Variants in WNK1 observed in about 807,000 individuals in gnomAD.
The protein encoded by WNK1 is WNK lysine deficient protein kinase 1, also known as serine/threonine-protein kinase WNK1.
WNK1 carries 38 observed loss-of-function variants against 222.8 expected under a neutral mutation model. The ratio of observed to expected loss-of-function variants is 0.17; its 90% CI spans 0.13 to 0.22. The LOEUF is 0.22. Ranked by LOEUF, WNK1 falls within the 10% of genes least tolerant of loss-of-function variation. The pLI is 1.00. For missense variants in WNK1, 2,348 were observed against 2,918.4 expected (o/e 0.80, Z 4.50); for synonymous variants, 1,090 against 1,092.9 (o/e 1.00, Z 0.05).
intron 4 of WNK1, among the ~76,000 whole-genome samples, chr12:841,631 CA>C (rs1193244796): frequency 6.6e-6 from 1 of 152,060 alleles, no homozygotes; most frequent in African/African-American, 2.4e-5. Flanking sequence ...GCTGCTATAT[CA>C]AAAATGCCAT....
chr12:890,425 G>A (rs1242370253), intron 21 of WNK1, 28 bp from the exon 22 acceptor site: 5 of 1,613,920 alleles, frequency 3.1e-6, no homozygotes, highest in Non-Finnish European at 4.2e-6. Flanking sequence ...CTAAAGATTT[G>A]TGGTGTCTGT....
chr12:814,190 A>G (rs772053314), intron 2 of WNK1, among the ~76,000 whole-genome samples: 7 of 151,454 alleles, frequency 4.6e-5, no homozygotes, highest in Non-Finnish European at 8.8e-5. Flanking sequence ...TTAGCCGGGC[A>G]TGGTGGCGTG....
At chr12:879,479 GGC>G in intron 10 of WNK1, 92 bp from the exon 11 acceptor site, 1 of 611,822 alleles carries the variant, frequency 1.6e-6, no homozygotes, top group Non-Finnish European at 2.4e-6. Context: ...CCTTCTTTTT[GGC>G]TAATACATAA....
chr12:898,213 G>A (rs1954908625), intron 25 of WNK1, among the ~76,000 whole-genome samples: 1 of 151,988 alleles, frequency 6.6e-6, no homozygotes, highest in African/African-American at 2.4e-5. Context: ...GGTTAGGCAC[G>A]GTGGCTCACG....
intron 9 of WNK1, among the ~76,000 whole-genome samples, chr12:875,046 T>C (rs547943905): frequency 1.3e-5 from 2 of 152,180 alleles, no homozygotes; most frequent in Non-Finnish European, 2.9e-5. Flanking sequence ...AAAATTATAC[T>C]GTGAGCAATG....
At chr12:861,992 A>C in intron 7 of WNK1, 91 bp from the exon 8 acceptor site, 1 of 1,444,184 alleles carries the variant, frequency 6.9e-7, no homozygotes, top group South Asian at 1.2e-5. Context: ...TACCCCTAAT[A>C]TAATGGGTCT....
intron 26 of WNK1, 176 bp downstream of exon 26, chr12:900,846 C>T (rs1955196710): frequency 1.3e-6 from 1 of 791,730 alleles, no homozygotes. Flanking sequence ...TCGGTGGGCT[C>T]ACTGCTCCCA....
At chr12:878,175 T>A (rs1187135389) in intron 9 of WNK1, 37 bp from the exon 10 acceptor site, 2 of 1,613,680 alleles carry the variant, frequency 1.2e-6, no homozygotes, top group Admixed American at 3.3e-5. Flanking sequence ...CTGTTATTGA[T>A]TTGAAATAAA....
intron 1 of WNK1, among the ~76,000 whole-genome samples, chr12:776,412 T>TGTGTGTGTG (rs1555082817): frequency 1.5e-3 from 215 of 146,224 alleles, no homozygotes; most frequent in Admixed American, 2.8e-3. Flanking sequence ...GTTTGTGTGT[T>TGTGTGTGTG]TGTGTGTGTG....
chr12:894,956 G>C (rs527308861), intron 23 of WNK1, among the ~76,000 whole-genome samples: 4 of 152,168 alleles, frequency 2.6e-5, no homozygotes, highest in African/African-American at 9.6e-5. Flanking sequence ...CATTTCTCCT[G>C]TTCCAAATGT....
chr12:794,987 A>G (rs1565440708), intron 1 of WNK1, among the ~76,000 whole-genome samples: 1 of 152,068 alleles, frequency 6.6e-6, no homozygotes, highest in African/African-American at 2.4e-5. Flanking sequence ...TCTAACCTCA[A>G]GTGATCCTCC....
rs372539997 is a variant in WNK1 at position 894,646 on chromosome 12, C to A, written c.5583+11C>A. On this transcript the variant is annotated intron_variant, in intron 23 of 27. Transcript: ENST00000315939. ...ATGGGACGATTTCAGGTAAGACAGT[C>A]ACTTTGTGTTGCCTTGATTCCTTCC... 23 of 1,612,638 alleles carry A rather than the reference C, an allele frequency of 1.4e-5. No individual in the cohort carries two copies. The African/African-American group carries it at 2.0e-4, about 14-fold the overall frequency.
intron 4 of WNK1, among the ~76,000 whole-genome samples, chr12:836,622 A>G (rs1949200831): frequency 6.6e-6 from 1 of 152,206 alleles, no homozygotes; most frequent in Non-Finnish European, 1.5e-5. Flanking sequence ...ATTTTTAAAA[A>G]TGCCTCCAAC....
chr12:874,477 T>A (rs1024131912), intron 9 of WNK1, among the ~76,000 whole-genome samples: 1 of 152,176 alleles, frequency 6.6e-6, no homozygotes, highest in African/African-American at 2.4e-5. Flanking sequence ...CTCTCAGTTG[T>A]CTTAAGCAAA....
chr12:866,853 G>A (rs1951712122), intron 8 of WNK1, among the ~76,000 whole-genome samples: 1 of 152,162 alleles, frequency 6.6e-6, no homozygotes, highest in African/African-American at 2.4e-5. Flanking sequence ...GCCGGGCTCA[G>A]TGGCTCACGC....
chr12:884,041 G>GT lies in WNK1; in HGVS notation c.3722-79dup, dbSNP rs72650725. 3.8e-6 allele frequency: 6 copies of GT among 1,598,350 alleles called. No homozygotes were observed. The African/African-American group carries it at 8.1e-5, about 22-fold the overall frequency. ...AGACCGTGCCTCAAAAAAAGCAGTT[G>GT]TATGTGCCAATAATGAAGTCTAACA... On this transcript the variant is annotated intron_variant, in intron 17 of 27. Transcript: ENST00000315939. This position sits in a 1 kb window ranked among gnomAD's most constrained non-coding sequence, Gnocchi z 5.6.
intron 1 of WNK1, among the ~76,000 whole-genome samples, chr12:762,872 G>A (rs1366797101): frequency 1.4e-5 from 2 of 146,124 alleles, no homozygotes; most frequent in Non-Finnish European, 3.1e-5. Context: ...TCAGCCTCCC[G>A]AGTAGCTGGG....
intron 21 of WNK1, 26 bp from the exon 22 acceptor site, chr12:890,427 G>C (rs765095445): frequency 1.2e-6 from 2 of 1,614,008 alleles, no homozygotes; most frequent in Middle Eastern, 1.7e-4. Flanking sequence ...AAAGATTTGT[G>C]GTGTCTGTCT....
rs979040972 is a variant in WNK1 at position 752,733 on chromosome 12, C to T, written c.-833C>T. 1 of 152,334 alleles carries T rather than the reference C, an allele frequency of 6.6e-6. No homozygotes were observed. The highest frequency in any genetic ancestry group is 1.5e-5 in the Non-Finnish European group (1 of 68,116). The allele number at this position is 152,334 out of a possible 1,614,324, so 9.4% of individuals were successfully genotyped here. On this transcript the variant is annotated 5_prime_UTR_variant, in exon 1 of 28. Coordinates refer to ENST00000315939, the MANE Select transcript of WNK1 (RefSeq NM_018979.4). Reference sequence around the variant, plus strand: ...CCCCCTCACCCAGTCCTCTAGGTCTCCTCTCCTCTTGCCTCAGAGAAGCAG... The same window carrying T: ...CCCCCTCACCCAGTCCTCTAGGTCTTCTCTCCTCTTGCCTCAGAGAAGCAG...
Sources: gnomAD v4.1 joint callset for allele counts (sites outside exome capture counted in the v4.1 genomes callset) on GRCh38, gnomAD v4.1.1 for gene constraint, Gnocchi (gnomAD v3.1) non-coding constraint, MANE v1.5 for transcripts, NCBI Gene and HGNC (gene_info 2026-07-23, HGNC 2026-07-21) for gene names.